The following GXYLT1 variants were observed in gnomAD, a reference collection of about 807,000 sequenced individuals.
The protein encoded by GXYLT1 is glycosyltransferase 8 domain containing 3.
A neutral mutation model predicts 54.0 loss-of-function variants in GXYLT1; 29 were observed. The ratio of observed to expected loss-of-function variants is 0.54; its 90% confidence interval spans 0.40 to 0.73. The LOEUF is 0.73. GXYLT1 is among the 30% of genes least tolerant of loss of function. The pLI is 0.00. For missense variants in GXYLT1, 490 were observed against 553.4 expected, an observed-to-expected ratio of 0.89 and a Z score of 1.15; for synonymous variants, 176 against 204.1, an observed-to-expected ratio of 0.86 and a Z score of 1.17.
At chr12:42,142,005 A>G (rs1365453155) in intron 1 of GXYLT1, among the ~76,000 whole-genome samples, 1 of 152,240 alleles carries the variant, frequency 6.6e-6, no homozygotes, top group Non-Finnish European at 1.5e-5. Flanking sequence ...CTTACTGGGT[A>G]CAAACCTAGA....
At chr12:42,111,418 G>A (rs1484385866) in intron 3 of GXYLT1, among the ~76,000 whole-genome samples, 1 of 152,308 alleles carries the variant, frequency 6.6e-6, no homozygotes, top group East Asian at 1.9e-4. Context: ...GGAAAATCGG[G>A]TCACTCCCAC....
At chr12:42,139,245 T>C (rs2065638422) in intron 1 of GXYLT1, among the ~76,000 whole-genome samples, 1 of 152,178 alleles carries the variant, frequency 6.6e-6, no homozygotes, top group Admixed American at 6.5e-5. Context: ...ATATTATTTT[T>C]TCATCAACCA....
intron 1 of GXYLT1, among the ~76,000 whole-genome samples, chr12:42,142,204 C>A (rs2065655684): frequency 6.6e-6 from 1 of 152,182 alleles, no homozygotes; most frequent in Non-Finnish European, 1.5e-5. Flanking sequence ...AGAAAGAGCT[C>A]TTGTATAACA....
chr12:42,106,747 T>C (rs541507633), intron 4 of GXYLT1, among the ~76,000 whole-genome samples: 16 of 144,750 alleles, frequency 1.1e-4, no homozygotes, highest in South Asian at 2.2e-4. Flanking sequence ...ATTTTTCTTT[T>C]TTTTTTTTTT....
chr12:42,114,357 G>C (rs1235907793), intron 3 of GXYLT1, among the ~76,000 whole-genome samples: 1 of 152,042 alleles, frequency 6.6e-6, no homozygotes, highest in African/African-American at 2.4e-5. Context: ...TTTTTGAAAA[G>C]ATCAACAAAA....
At chr12:42,111,435 A>G (rs2065455121) in intron 3 of GXYLT1, among the ~76,000 whole-genome samples, 2 of 152,180 alleles carry the variant, frequency 1.3e-5, no homozygotes, top group Admixed American at 6.5e-5. Context: ...CCACCCTAAT[A>G]CTGCGCTTTT....
intron 2 of GXYLT1, among the ~76,000 whole-genome samples, chr12:42,123,203 C>T (rs1016958544): frequency 6.6e-6 from 1 of 151,956 alleles, no homozygotes; most frequent in African/African-American, 2.4e-5. Context: ...AGGACATTAA[C>T]AGGAAAATAA....
intron 3 of GXYLT1, among the ~76,000 whole-genome samples, chr12:42,111,816 G>A (rs1019158066): frequency 3.2e-4 from 49 of 152,330 alleles, no homozygotes; most frequent in Non-Finnish European, 1.9e-4. Context: ...AGCTTCAGAT[G>A]TGAGAACGGG....
intron 1 of GXYLT1, among the ~76,000 whole-genome samples, chr12:42,136,612 T>G (rs1186481674): frequency 2.0e-5 from 3 of 152,166 alleles, no homozygotes; most frequent in Admixed American, 6.6e-5. Flanking sequence ...CAAGGTACCT[T>G]TGCGGTGATG....
chr12:42,109,579 C>A lies in GXYLT1; in HGVS notation c.599G>T (p.Arg200Ile). 2 of 1,488,664 alleles carry A rather than the reference C, an allele frequency of 1.3e-6. No homozygotes were observed. The highest frequency in any genetic ancestry group is 9.0e-7 in the Non-Finnish European group (1 of 1,116,834). The allele number at this position is 1,488,664 out of a possible 1,614,324, so 92.2% of individuals were successfully genotyped here. A position where few individuals can be genotyped will look rare whatever the true frequency, so the allele number is the denominator to read the frequency against. ...KKLFKPCASQ[R>I]LFLPLILKEV... ...GAAAAAACTTACCGGCAAGAACAATCTCTGCGAAGCACATGGTTTAAAGAG... is the reference window on the plus strand; with the variant it reads ...GAAAAAACTTACCGGCAAGAACAATATCTGCGAAGCACATGGTTTAAAGAG... Residue 200 changes from arginine (R) to isoleucine (I), a missense_variant, in exon 4 of 8, where the codon AGA becomes ATA. This residue lies in a region of GXYLT1 where 342 missense variants were observed against 342.6 expected (regional missense o/e 1.00). Transcript: ENST00000398675.
rs375575356 is a variant in GXYLT1 at position 42,098,021 on chromosome 12, T to A, written c.877A>T (p.Thr293Ser). The change falls in exon 6 of 8, where the codon ACT becomes TCT. Residue 293 changes from threonine (T) to serine (S), a missense_variant. Around this residue, in one of 2 missense-constraint regions of GXYLT1, gnomAD observed 342 missense variants for 342.6 expected, o/e 1.00. Coordinates refer to ENST00000398675, the MANE Select transcript of GXYLT1 (RefSeq NM_173601.2). ...ATATCTCCCCATTGTAGTCGTACAG[T>A]TGTCATATCATTCTGTTGATAAAAA... ...RRKYFKNDMTTVRLQWGDILM... is the reference protein window; with the variant it reads ...RRKYFKNDMTSVRLQWGDILM... 15 of 1,608,582 alleles carry A rather than the reference T, an allele frequency of 9.3e-6. No homozygotes were observed. The highest frequency in any genetic ancestry group is 1.3e-5 in the Non-Finnish European group (15 of 1,177,662).
intron 2 of GXYLT1, 42 bp downstream of exon 2, chr12:42,129,717 C>G: frequency 8.2e-7 from 1 of 1,223,410 alleles, no homozygotes; most frequent in Non-Finnish European, 1.2e-6. Context: ...AACTATCTAA[C>G]CTTATCTACA....
chr12:42,087,912 T>C lies in GXYLT1; in HGVS notation c.1197A>G (p.Leu399=). The stretch of plus-strand genomic sequence containing the variant: ...TTTGTAGTTCCAGTTCTAAAGGTTT[T>C]AATAAGGAACGGATGTTGTCATCTT... ...SFEDDNIRSL[L]KPLELELQKT... The change falls in exon 8 of 8, where the codon TTA becomes TTG. Residue 399 remains leucine (L), a synonymous_variant. Transcript: ENST00000398675. 6.3e-7 allele frequency: 1 copy of C among 1,581,950 alleles called. No individual in the cohort carries two copies. The highest frequency in any genetic ancestry group is 8.6e-7 in the Non-Finnish European group (1 of 1,162,524).
intron 4 of GXYLT1, among the ~76,000 whole-genome samples, chr12:42,106,411 A>C (rs183989932): frequency 6.6e-6 from 1 of 152,308 alleles, no homozygotes; most frequent in African/African-American, 2.4e-5. Flanking sequence ...CTTGAATCCT[A>C]ATTTCCTGAG....
Position 42,144,758 on chromosome 12 carries a change from C to A in GXYLT1, c.-112G>T. The A allele has an allele frequency of 4.6e-6, 3 of 649,052 alleles. No homozygotes were observed. The highest frequency in any genetic ancestry group is 4.4e-6 in the Non-Finnish European group (2 of 454,732). 40.2% of individuals were successfully genotyped at this position (649,052 alleles called of 1,614,324 possible). A position where few individuals can be genotyped will look rare whatever the true frequency, so the allele number is the denominator to read the frequency against. ...GCGCAACAAGTTCCTCACCCGCAGC[C>A]GCCGCCGCCGCCTTGCGCCCGCTCC... is the stretch of plus-strand genomic sequence containing the variant. On this transcript the variant is annotated 5_prime_UTR_variant, in exon 1 of 8. Coordinates refer to ENST00000398675, the MANE Select transcript of GXYLT1 (RefSeq NM_173601.2).
intron 3 of GXYLT1, among the ~76,000 whole-genome samples, chr12:42,112,562 T>A (rs1244858275): frequency 6.6e-6 from 1 of 151,776 alleles, no homozygotes; most frequent in Non-Finnish European, 1.5e-5. Context: ...ACGAAACGAA[T>A]GAAATGAAGC....
intron 2 of GXYLT1, among the ~76,000 whole-genome samples, chr12:42,120,901 C>T (rs1003820577): frequency 3.9e-5 from 6 of 152,158 alleles, no homozygotes; most frequent in African/African-American, 1.4e-4. Context: ...AGCAATGTCT[C>T]TTCCCTTGTT....
At chr12:42,092,011 C>T (rs1162937459) in intron 7 of GXYLT1, among the ~76,000 whole-genome samples, 1 of 152,192 alleles carries the variant, frequency 6.6e-6, no homozygotes, top group Non-Finnish European at 1.5e-5. Flanking sequence ...AAAACTCTTA[C>T]TCATTCTTCA....
At chr12:42,090,773 A>G (rs935683072) in intron 7 of GXYLT1, among the ~76,000 whole-genome samples, 1 of 152,252 alleles carries the variant, frequency 6.6e-6, no homozygotes, top group African/African-American at 2.4e-5. Context: ...TGCAAATATA[A>G]GCAAGGTGTA....
Sources: gnomAD v4.1 joint callset for allele counts (sites outside exome capture counted in the v4.1 genomes callset) on GRCh38, gnomAD v4.1.1 for gene constraint, gnomAD v4.1.1 regional missense constraint, MANE v1.5 for transcripts, NCBI Gene and HGNC (gene_info 2026-07-23, HGNC 2026-07-21) for gene names.